RYR3: variants seen among roughly 807,000 people sequenced by gnomAD.
RYR3 encodes the protein brain ryanodine receptor-calcium release channel.
Under a neutral mutation model 584.3 loss-of-function variants are expected in RYR3, and 207 were observed. The ratio of observed to expected loss-of-function variants is 0.35; its 90% CI spans 0.32 to 0.40. RYR3 has a LOEUF of 0.40. Ranked by LOEUF, RYR3 falls within the 10% of genes least tolerant of loss-of-function variation. The pLI is 1.00. For synonymous variants in RYR3, 2,416 were observed against 2,248.5 expected, an observed-to-expected ratio of 1.07 and a Z score of -2.11; for missense variants, 5,616 against 6,089.2, an observed-to-expected ratio of 0.92 and a Z score of 2.59.
chr15:33,797,837 G>A (rs11634949), intron 67 of RYR3, among the ~76,000 whole-genome samples: 9,437 of 152,228 alleles, frequency 0.062, 385 homozygotes, highest in African/African-American at 0.1. Flanking sequence ...ACTAAGGAAT[G>A]AACAGCTGGT....
At chr15:33,825,564 G>T in intron 81 of RYR3, 39 bp from the exon 82 acceptor site, 1 of 1,362,084 alleles carries the variant, frequency 7.3e-7, no homozygotes, top group South Asian at 1.2e-5. Flanking sequence ...TTCCCAGCGT[G>T]CGTAGCCCTG....
At chr15:33,665,139 C>T (rs541622592) in intron 36 of RYR3, among the ~76,000 whole-genome samples, 1 of 152,132 alleles carries the variant, frequency 6.6e-6, no homozygotes, top group Non-Finnish European at 1.5e-5. Flanking sequence ...TTTCACTGGG[C>T]GTATTCTGGC....
chr15:33,511,810 G>T (rs1008048152), intron 3 of RYR3, among the ~76,000 whole-genome samples: 3 of 152,122 alleles, frequency 2.0e-5, no homozygotes, highest in Non-Finnish European at 4.4e-5. Flanking sequence ...ACGGAGTCTC[G>T]CTCTGTCGCC....
intron 1 of RYR3, among the ~76,000 whole-genome samples, chr15:33,387,341 G>C (rs1322676305): frequency 1.3e-5 from 2 of 152,132 alleles, no homozygotes; most frequent in South Asian, 2.1e-4. Context: ...CTTTTGGGTA[G>C]ATACCCAGAA....
intron 10 of RYR3, among the ~76,000 whole-genome samples, chr15:33,562,604 G>A (rs532064554): frequency 1.3e-4 from 20 of 152,194 alleles, no homozygotes; most frequent in Middle Eastern, 3.4e-3. Flanking sequence ...CCCTTTTCCC[G>A]TGGATTTAAA....
chr15:33,488,324 G>C (rs2050647296), intron 2 of RYR3, among the ~76,000 whole-genome samples: 1 of 152,134 alleles, frequency 6.6e-6, no homozygotes, highest in African/African-American at 2.4e-5. Context: ...TTCATACATA[G>C]GCACCTCTGT....
intron 1 of RYR3, among the ~76,000 whole-genome samples, chr15:33,458,505 CTGTGTGTATATT>C (rs887194893): frequency 1.3e-5 from 2 of 152,148 alleles, no homozygotes; most frequent in African/African-American, 4.8e-5. Flanking sequence ...TTCTCATAAT[CTGTGTGTATATT>C]TGTGTGTGTA....
At chr15:33,591,743 T>C (rs2059139505) in intron 16 of RYR3, among the ~76,000 whole-genome samples, 1 of 152,192 alleles carries the variant, frequency 6.6e-6, no homozygotes. Flanking sequence ...GGGTCTACCT[T>C]TGAGAAAAAT....
chr15:33,550,368 A>G (rs1282911775), intron 10 of RYR3, 52 bp downstream of exon 10: 2 of 1,542,904 alleles, frequency 1.3e-6, no homozygotes. Context: ...GAAAACTCAG[A>G]AACCTCCAGG....
intron 1 of RYR3, among the ~76,000 whole-genome samples, chr15:33,316,367 A>AT (rs1968171260): frequency 6.6e-6 from 1 of 152,184 alleles, no homozygotes; most frequent in Non-Finnish European, 1.5e-5. Context: ...ACTTGGCATT[A>AT]TTCTGAATGA....
At chr15:33,421,037 T>C (rs116717596) in intron 1 of RYR3, among the ~76,000 whole-genome samples, 2,139 of 152,202 alleles carry the variant, frequency 0.014, 49 homozygotes, top group African/African-American at 0.047. Context: ...GAATGGGTTA[T>C]CCAGGCCAAA....
intron 56 of RYR3, 24 bp downstream of exon 56, chr15:33,750,078 C>A: frequency 6.2e-7 from 1 of 1,609,160 alleles, no homozygotes; most frequent in East Asian, 2.2e-5. Flanking sequence ...ACAGCATCCC[C>A]TAAAGAAGCT....
intron 19 of RYR3, among the ~76,000 whole-genome samples, chr15:33,617,524 T>C (rs1045441394): frequency 6.6e-6 from 1 of 152,216 alleles, no homozygotes; most frequent in Non-Finnish European, 1.5e-5. Flanking sequence ...CAAAGTGTTA[T>C]ACCTGTCTAG....
rs910139124 is a variant in RYR3, at chr15:33,384,824, A to T, written c.51+73728A>T. On this transcript the variant is annotated intron_variant, in intron 1 of 103. Coordinates refer to ENST00000634891, the MANE Select transcript of RYR3 (RefSeq NM_001036.6). ...CCTGAAATTTTGTATCCTTTGACCA[A>T]CACCTCCTTAACATGCCCCCCACCT... Among the ~76,000 whole-genome samples, 4 of 152,040 alleles carry T rather than the reference A, an allele frequency of 2.6e-5. No homozygotes were observed. The South Asian group carries it at 8.3e-4, about 32-fold the overall frequency.
intron 4 of RYR3, among the ~76,000 whole-genome samples, chr15:33,532,832 C>T (rs2054999710): frequency 6.6e-6 from 1 of 152,130 alleles, no homozygotes; most frequent in Non-Finnish European, 1.5e-5. Context: ...AAAGTATTTT[C>T]AGCTGGGCAT....
chr15:33,557,108 G>T (rs1037703694), intron 10 of RYR3, among the ~76,000 whole-genome samples: 1 of 152,134 alleles, frequency 6.6e-6, no homozygotes, highest in Non-Finnish European at 1.5e-5. Context: ...CTTTGGAATT[G>T]TACCTGATTT....
intron 4 of RYR3, among the ~76,000 whole-genome samples, chr15:33,531,912 A>C (rs1328644329): frequency 6.6e-6 from 1 of 152,208 alleles, no homozygotes; most frequent in African/African-American, 2.4e-5. Flanking sequence ...TGTAATAAAC[A>C]GAACTTCAAA....
chr15:33,603,046 C>T, intron 17 of RYR3, 77 bp from the exon 18 acceptor site: 1 of 1,499,748 alleles, frequency 6.7e-7, no homozygotes, highest in African/African-American at 1.4e-5. Context: ...TGGGCCGTTG[C>T]CTCCTATGGT....
intron 1 of RYR3, among the ~76,000 whole-genome samples, chr15:33,455,382 G>A (rs921027100): frequency 1.6e-4 from 24 of 152,138 alleles, no homozygotes; most frequent in African/African-American, 5.8e-4. Context: ...AACTTGGATG[G>A]AGTCACTTGG....
Sources: allele counts gnomAD v4.1 joint callset (sites outside exome capture counted in the v4.1 genomes callset), GRCh38; gene constraint gnomAD v4.1.1; transcripts MANE v1.5; gene names NCBI Gene and HGNC (gene_info 2026-07-23, HGNC 2026-07-21).